PIAS2: variants seen among roughly 807,000 people sequenced by gnomAD.
The protein encoded by PIAS2 is protein inhibitor of activated STAT 2.
Under a neutral mutation model 69.7 loss-of-function variants are expected in PIAS2, and 19 were observed. The observed-to-expected ratio is 0.27, with a 90% CI of 0.19 to 0.40. PIAS2 has a LOEUF of 0.40. Ranked by LOEUF, PIAS2 falls within the 10% of genes least tolerant of loss-of-function variation. PIAS2 has a pLI of 1.00. For synonymous variants in PIAS2, 261 were observed against 263.2 expected (o/e 0.99, Z 0.08); for missense variants, 624 against 757.0 (o/e 0.82, Z 2.06).
intron 2 of PIAS2, 62 bp downstream of exon 2, chr18:46,890,518 T>C (rs539782995): frequency 3.0e-5 from 29 of 975,116 alleles, no homozygotes; most frequent in East Asian, 1.9e-4. Flanking sequence ...TAATCAATAG[T>C]TGAAGGTCTC....
Position 46,893,654 on chromosome 18 carries a change from A to C in PIAS2, c.25-2600T>G, listed in dbSNP as rs17781674. 9.0e-3 allele frequency: 1,392 copies of C among 155,468 alleles called. 12 individuals carry two copies. Among genetic ancestry groups the C allele is most frequent in the Non-Finnish European group, 0.013 (921 of 70,940 alleles). 9.6% of individuals were successfully genotyped at this position (155,468 alleles called of 1,614,324 possible). On this transcript the variant is annotated intron_variant, in intron 1 of 13. Transcript: ENST00000585916. ...GCATTACAAAATGCTGCAAAGATAA[A>C]GTATTGCTGGACACATAGCCAAAGG...
chr18:46,863,294 A>C (rs1282573079), intron 3 of PIAS2, among the ~76,000 whole-genome samples: 1 of 152,082 alleles, frequency 6.6e-6, no homozygotes, highest in Non-Finnish European at 1.5e-5. Flanking sequence ...TCTTTGGGCT[A>C]CTATAAATTC....
intron 5 of PIAS2, among the ~76,000 whole-genome samples, chr18:46,851,606 C>G (rs2046978961): frequency 6.6e-6 from 1 of 152,208 alleles, no homozygotes; most frequent in Admixed American, 6.5e-5. Context: ...CTACTATGAG[C>G]TGCTGTCTTC....
At chr18:46,861,696 G>A (rs1045565605) in intron 3 of PIAS2, among the ~76,000 whole-genome samples, 4 of 152,164 alleles carry the variant, frequency 2.6e-5, no homozygotes, top group Non-Finnish European at 4.4e-5. Context: ...AAATCAGAAA[G>A]AGTCTACAAA....
At chr18:46,844,615 C>T in intron 7 of PIAS2, 119 bp downstream of exon 7, 1 of 404,162 alleles carries the variant, frequency 2.5e-6, no homozygotes, top group Non-Finnish European at 4.3e-6. Context: ...AGTATATACA[C>T]AAGCTAACAA....
intron 10 of PIAS2, 72 bp from the exon 11 acceptor site, chr18:46,828,202 G>A (rs1296881832): frequency 1.6e-6 from 2 of 1,275,510 alleles, no homozygotes; most frequent in African/African-American, 1.5e-5. Context: ...GTAGAGTCTA[G>A]TATATTCAGT....
intron 13 of PIAS2, 29 bp from the exon 14 acceptor site, chr18:46,812,641 A>G: frequency 7.1e-7 from 1 of 1,407,642 alleles, no homozygotes; most frequent in Non-Finnish European, 9.9e-7. Flanking sequence ...GATGCCAATG[A>G]GGAAGAGGCT....
chr18:46,837,908 G>A (rs548757069), intron 8 of PIAS2, among the ~76,000 whole-genome samples: 1 of 152,302 alleles, frequency 6.6e-6, no homozygotes, highest in East Asian at 1.9e-4. Flanking sequence ...TACTGTCCTA[G>A]CACAATACTA....
In PIAS2 at chr18:46,891,292, T is replaced by C. The variant is rs182043960; in HGVS notation, c.25-238A>G. 27 of 617,536 alleles carry C rather than the reference T, an allele frequency of 4.4e-5. No individual in the cohort carries two copies. The East Asian group carries it at 6.3e-4, about 14-fold the overall frequency. The allele number at this position is 617,536 out of a possible 1,614,324, so 38.3% of individuals were successfully genotyped here. Reference sequence around the variant, plus strand: ...ACAAGATCTTAATTTTGGTAATCTATAGTCTATTGGTTTCTACTAACCACT... The same window carrying C: ...ACAAGATCTTAATTTTGGTAATCTACAGTCTATTGGTTTCTACTAACCACT... On this transcript the variant is annotated intron_variant, in intron 1 of 13. Coordinates refer to ENST00000585916, the MANE Select transcript of PIAS2 (RefSeq NM_004671.5).
At chr18:46,911,521 T>C (rs1000352491) in intron 1 of PIAS2, among the ~76,000 whole-genome samples, 4 of 152,150 alleles carry the variant, frequency 2.6e-5, no homozygotes, top group Non-Finnish European at 4.4e-5. Flanking sequence ...CGGCTGACTT[T>C]GTTATATTTC....
chr18:46,842,094 C>T (rs1357241816), intron 8 of PIAS2, among the ~76,000 whole-genome samples: 2 of 151,810 alleles, frequency 1.3e-5, no homozygotes, highest in African/African-American at 4.8e-5. Context: ...GGTGTGGTGG[C>T]GTGTGGCGGT....
chr18:46,856,011 T>TG (rs2047733471), intron 3 of PIAS2, among the ~76,000 whole-genome samples: 3 of 129,572 alleles, frequency 2.3e-5, no homozygotes, highest in South Asian at 2.6e-4. Context: ...TTTTTTTTTT[T>TG]TTTTTTTTTT....
chr18:46,857,365 C>T (rs1350894833), intron 3 of PIAS2, among the ~76,000 whole-genome samples: 1 of 152,162 alleles, frequency 6.6e-6, no homozygotes, highest in African/African-American at 2.4e-5. Flanking sequence ...GTAAGTGGTA[C>T]AGTACATTAT....
intron 11 of PIAS2, among the ~76,000 whole-genome samples, chr18:46,823,548 GT>G (rs1464186054): frequency 2.0e-5 from 3 of 152,166 alleles, no homozygotes; most frequent in African/African-American, 7.2e-5. Context: ...AACTGTACGT[GT>G]CCTGTCACTT....
At chr18:46,868,120 G>A (rs1332876176) in intron 2 of PIAS2, among the ~76,000 whole-genome samples, 3 of 152,186 alleles carry the variant, frequency 2.0e-5, no homozygotes. Flanking sequence ...TAAGACCCCA[G>A]AGATCTTGGG....
At chr18:46,861,647 A>G (rs1599873715) in intron 3 of PIAS2, among the ~76,000 whole-genome samples, 2 of 152,252 alleles carry the variant, frequency 1.3e-5, no homozygotes, top group Admixed American at 1.3e-4. Context: ...AAAATGCACA[A>G]CCTCCATCTA....
chr18:46,862,711 A>G (rs1441094247), intron 3 of PIAS2, among the ~76,000 whole-genome samples: 1 of 151,960 alleles, frequency 6.6e-6, no homozygotes, highest in Admixed American at 6.6e-5. Context: ...ACATATATGT[A>G]TATATTCTTT....
At chr18:46,898,329 T>C (rs2055229007) in intron 1 of PIAS2, among the ~76,000 whole-genome samples, 1 of 151,662 alleles carries the variant, frequency 6.6e-6, no homozygotes, top group Non-Finnish European at 1.5e-5. Context: ...TGTATTTTAG[T>C]AGAGACAGGG....
chr18:46,877,050 G>A (rs566043601), intron 2 of PIAS2, among the ~76,000 whole-genome samples: 1 of 152,240 alleles, frequency 6.6e-6, no homozygotes, highest in African/African-American at 2.4e-5. Flanking sequence ...AAGGACTTAT[G>A]TCCTCAATCC....
Sources: allele counts gnomAD v4.1 joint callset (sites outside exome capture counted in the v4.1 genomes callset), GRCh38; gene constraint gnomAD v4.1.1; transcripts MANE v1.5; gene names NCBI Gene and HGNC (gene_info 2026-07-23, HGNC 2026-07-21).